Variants in RPS6KC1 observed in about 807,000 individuals in gnomAD.
RPS6KC1 encodes inactive ribosomal protein S6 kinase delta-1.
RPS6KC1 carries 54 observed loss-of-function variants against 103.8 expected under a neutral mutation model. The observed-to-expected ratio is 0.52, with a 90% CI of 0.42 to 0.65. The LOEUF (loss-of-function observed/expected upper bound fraction) is 0.65. Ranked by LOEUF, RPS6KC1 falls within the 30% of genes least tolerant of loss-of-function variation. RPS6KC1 has a pLI of 0.00. For synonymous variants in RPS6KC1, 439 were observed against 438.7 expected (o/e 1.00, Z -0.01); for missense variants, 1,151 against 1,253.8 (o/e 0.92, Z 1.24).
chr1:213,365,007 G>A, the RPS6KC1 span, among the ~76,000 whole-genome samples: 16,008 of 152,116 alleles, frequency 0.11, 941 homozygotes, highest in Middle Eastern at 0.21. Context: ...TGGGCACATA[G>A]GATTCATTGA....
At chr1:213,447,004 A>T in the RPS6KC1 span, among the ~76,000 whole-genome samples, 4 of 152,210 alleles carry the variant, frequency 2.6e-5, no homozygotes, top group Non-Finnish European at 2.9e-5. Flanking sequence ...AAATGAATGC[A>T]TAAGTGAAAA....
intron 2 of RPS6KC1, among the ~76,000 whole-genome samples, chr1:213,075,098 G>A (rs888964799): frequency 2.0e-5 from 3 of 151,816 alleles, no homozygotes; most frequent in Admixed American, 6.6e-5. Flanking sequence ...TGATCCGCCC[G>A]CCTTGGCCTC....
chr1:213,542,889 C>T, the RPS6KC1 span, among the ~76,000 whole-genome samples: 1 of 152,152 alleles, frequency 6.6e-6, no homozygotes, highest in African/African-American at 2.4e-5. Flanking sequence ...GCTTGGGTCT[C>T]CCAAATTTCA....
the RPS6KC1 span, among the ~76,000 whole-genome samples, chr1:213,490,171 G>T: frequency 6.6e-6 from 1 of 152,172 alleles, no homozygotes; most frequent in Admixed American, 6.5e-5. Context: ...GACCCATTGG[G>T]TGTGGTTTCT....
At chr1:213,739,510 A>G in the RPS6KC1 span, among the ~76,000 whole-genome samples, 1 of 152,192 alleles carries the variant, frequency 6.6e-6, no homozygotes, top group Non-Finnish European at 1.5e-5. Context: ...GAATTAATAC[A>G]AGAGAATTCC....
intron 6 of RPS6KC1, among the ~76,000 whole-genome samples, chr1:213,163,933 A>G (rs2090722850): frequency 6.6e-6 from 1 of 152,138 alleles, no homozygotes; most frequent in Non-Finnish European, 1.5e-5. Context: ...CTTTGTTTCC[A>G]TACTCACCTG....
chr1:213,135,242 C>T, intron 6 of RPS6KC1, among the ~76,000 whole-genome samples: 1 of 151,922 alleles, frequency 6.6e-6, no homozygotes, highest in East Asian at 1.9e-4. Context: ...TATATTGAAC[C>T]ACTCTGGAAT....
At chr1:213,468,149 G>T in the RPS6KC1 span, among the ~76,000 whole-genome samples, 1 of 152,136 alleles carries the variant, frequency 6.6e-6, no homozygotes, top group Non-Finnish European at 1.5e-5. Flanking sequence ...CCATCCATTT[G>T]TGTTTGATGT....
intron 1 of RPS6KC1, among the ~76,000 whole-genome samples, chr1:213,064,676 C>CT (rs34472724): frequency 0.23 from 24,396 of 104,846 alleles, 6,704 homozygotes; most frequent in African/African-American, 0.67. Flanking sequence ...CCTTTGTGAA[C>CT]TTTTTTTTTT....
chr1:213,358,805 C>T, the RPS6KC1 span, among the ~76,000 whole-genome samples: 7 of 152,206 alleles, frequency 4.6e-5, no homozygotes, highest in South Asian at 4.2e-4. Context: ...GCCTTCATTT[C>T]GTTATGTACC....
At chr1:213,224,370 C>T (rs895806762) in intron 8 of RPS6KC1, among the ~76,000 whole-genome samples, 8 of 151,874 alleles carry the variant, frequency 5.3e-5, no homozygotes, top group African/African-American at 1.9e-4. Flanking sequence ...CCTGCTTTTT[C>T]TTTTTTTTCC....
At chr1:213,831,320 C>T in the RPS6KC1 span, among the ~76,000 whole-genome samples, 1 of 152,164 alleles carries the variant, frequency 6.6e-6, no homozygotes, top group Non-Finnish European at 1.5e-5. Flanking sequence ...AGGTCCTTAT[C>T]AGAGGAAGAC....
chr1:213,670,141 A>C, the RPS6KC1 span, among the ~76,000 whole-genome samples: 9 of 152,316 alleles, frequency 5.9e-5, no homozygotes, highest in African/African-American at 2.2e-4. Context: ...CCAGGGCAGG[A>C]GTGTGCAAAT....
the RPS6KC1 span, among the ~76,000 whole-genome samples, chr1:213,585,662 C>T: frequency 6.6e-6 from 1 of 152,176 alleles, no homozygotes; most frequent in African/African-American, 2.4e-5. Flanking sequence ...AGTCCCACCT[C>T]TATGCTGCCA....
chr1:213,712,515 G>A, the RPS6KC1 span, among the ~76,000 whole-genome samples: 1 of 152,216 alleles, frequency 6.6e-6, no homozygotes, highest in Admixed American at 6.5e-5. Flanking sequence ...CCTTTCCAGG[G>A]GAGTCAACGG....
the RPS6KC1 span, among the ~76,000 whole-genome samples, chr1:213,536,528 T>G: frequency 2.0e-5 from 3 of 152,286 alleles, no homozygotes; most frequent in East Asian, 5.8e-4. Flanking sequence ...ACCTGGGGTA[T>G]AGTGAGCCTT....
chr1:213,134,058 C>G (rs975311271), intron 6 of RPS6KC1, among the ~76,000 whole-genome samples: 29 of 151,536 alleles, frequency 1.9e-4, no homozygotes, highest in Admixed American at 1.6e-3. Context: ...TGTAGCAGGC[C>G]CTGTAATAGG....
the RPS6KC1 span, among the ~76,000 whole-genome samples, chr1:213,389,151 G>A: frequency 6.6e-6 from 1 of 151,472 alleles, no homozygotes; most frequent in Non-Finnish European, 1.5e-5. Context: ...CACAGTCAGT[G>A]TTGCCAAGAA....
At chr1:213,426,800 T>C in the RPS6KC1 span, among the ~76,000 whole-genome samples, 1 of 152,236 alleles carries the variant, frequency 6.6e-6, no homozygotes, top group Admixed American at 6.5e-5. Flanking sequence ...TCTGAAAGAC[T>C]CTGTGGTAGC....
Sources: allele counts gnomAD v4.1 joint callset (sites outside exome capture counted in the v4.1 genomes callset), GRCh38; gene constraint gnomAD v4.1.1; transcripts MANE v1.5; gene names NCBI Gene and HGNC (gene_info 2026-07-23, HGNC 2026-07-21).